Variants in ARID3B observed in about 807,000 individuals in gnomAD.
ARID3B encodes AT-rich interaction domain 3B, also known as AT-rich interactive domain-containing protein 3B.
In ARID3B, 10 loss-of-function variants were observed where a neutral mutation model predicts 51.9. The ratio of observed to expected loss-of-function variants is 0.19; its 90% CI spans 0.12 to 0.33. The LOEUF (loss-of-function observed/expected upper bound fraction) is 0.33, where lower values mean the gene tolerates loss of function less well. Among genes scored for constraint, ARID3B ranks in the 10% least tolerant of loss-of-function variants. ARID3B has a pLI of 1.00. For synonymous variants in ARID3B, 205 were observed against 279.5 expected (o/e 0.73, Z 2.66); for missense variants, 483 against 716.3 (o/e 0.67, Z 3.72).
At position 74,591,077 on chromosome 15, in the gene ARID3B, G is replaced by A. The variant is rs1176922899; in HGVS notation, c.882-74G>A. On this transcript the variant is annotated intron_variant, in intron 5 of 8. Transcript: ENST00000346246. The surrounding 1 kb of genome is among the most constrained non-coding windows in gnomAD (Gnocchi z 5.8). ...CTGCCCAACAGAGACTGCTTCCAGA[G>A]ACCCACCAACCTCAACTGGGTGGTC... The A allele has an allele frequency of 1.3e-6, 2 of 1,520,958 alleles. No homozygotes were observed. The highest frequency in any genetic ancestry group is 1.4e-5 in the African/African-American group (1 of 72,006). The allele number at this position is 1,520,958 out of a possible 1,614,324, so 94.2% of individuals were successfully genotyped here.
chr15:74,550,457 C>T (rs1024046713), intron 2 of ARID3B, among the ~76,000 whole-genome samples: 1 of 151,682 alleles, frequency 6.6e-6, no homozygotes, highest in Non-Finnish European at 1.5e-5. Context: ...CTTTGGGAGG[C>T]GGAGGCAGGC....
intron 4 of ARID3B, among the ~76,000 whole-genome samples, chr15:74,588,235 TAAAA>T (rs34984821): frequency 1.0e-4 from 14 of 139,934 alleles, no homozygotes; most frequent in Admixed American, 2.9e-4. Flanking sequence ...CCCTATCTTT[TAAAA>T]AAAAAAAAAA....
rs145243577 is a variant in ARID3B, at chr15:74,590,460, C to T, written c.881+457C>T. On this transcript the variant is annotated intron_variant, in intron 5 of 8. Coordinates refer to ENST00000346246, the MANE Select transcript of ARID3B (RefSeq NM_006465.4). ...CTTACCTGATATTCAGCTTACCCAGCGGCAGAGGACCCAGAGAAAGGCAGG... is the reference window on the plus strand; with the variant it reads ...CTTACCTGATATTCAGCTTACCCAGTGGCAGAGGACCCAGAGAAAGGCAGG... 5.1e-4 allele frequency among the ~76,000 whole-genome samples: 78 copies of T among 152,288 alleles called. 1 individual carries two copies. The highest frequency in any genetic ancestry group is 8.4e-4 in the Non-Finnish European group (57 of 68,032).
At chr15:74,572,157 C>A (rs571060338) in intron 2 of ARID3B, among the ~76,000 whole-genome samples, 32 of 152,110 alleles carry the variant, frequency 2.1e-4, no homozygotes, top group African/African-American at 7.5e-4. Flanking sequence ...AGATAGGAAG[C>A]AAGTTTAAAG....
chr15:74,584,162 C>A (rs1234620332), intron 4 of ARID3B, among the ~76,000 whole-genome samples: 1 of 152,106 alleles, frequency 6.6e-6, no homozygotes, highest in Non-Finnish European at 1.5e-5. Context: ...GCATAGTACC[C>A]AATAGGTAGT....
At chr15:74,594,812 C>T (rs1360532130) in intron 8 of ARID3B, among the ~76,000 whole-genome samples, 1 of 152,230 alleles carries the variant, frequency 6.6e-6, no homozygotes, top group African/African-American at 2.4e-5. Flanking sequence ...AGGTCTCTAC[C>T]TGTCACAGGA....
At chr15:74,588,741 T>C (rs1399719232) in intron 4 of ARID3B, among the ~76,000 whole-genome samples, 1 of 152,040 alleles carries the variant, frequency 6.6e-6, no homozygotes, top group Admixed American at 6.6e-5. Flanking sequence ...TGCTCATTAG[T>C]AGCCCTTCCT....
Position 74,597,261 on chromosome 15 carries a change from C to T in ARID3B, c.*1487C>T, listed in dbSNP as rs149490636. On this transcript the variant is annotated 3_prime_UTR_variant, in exon 9 of 9. Coordinates refer to ENST00000346246, the MANE Select transcript of ARID3B (RefSeq NM_006465.4). ...AAAGAAAATTGATTCGCTTGCGGCT[C>T]ACCTCAGTCGAGGAAGCCCTGGAAT... 847 of 381,130 alleles carry T rather than the reference C, an allele frequency of 2.2e-3. 21 individuals carry two copies. In the East Asian group the frequency reaches 0.039, roughly 18 times the overall value. 23.6% of individuals were successfully genotyped at this position (381,130 alleles called of 1,614,324 possible). A position where few individuals can be genotyped will look rare whatever the true frequency, so the allele number is the denominator to read the frequency against.
At chr15:74,546,317 T>A (rs2061615492) in intron 2 of ARID3B, among the ~76,000 whole-genome samples, 2 of 152,004 alleles carry the variant, frequency 1.3e-5, no homozygotes, top group Non-Finnish European at 2.9e-5. Context: ...AGCAGGATCC[T>A]GCCCTGACAG....
chr15:74,549,691 A>G (rs1477528390), intron 2 of ARID3B, among the ~76,000 whole-genome samples: 1 of 152,186 alleles, frequency 6.6e-6, no homozygotes, highest in East Asian at 1.9e-4. Flanking sequence ...CATGTTCTTT[A>G]TAGAGCTACC....
chr15:74,542,635 C>G (rs768503835), intron 1 of ARID3B, among the ~76,000 whole-genome samples: 1 of 152,150 alleles, frequency 6.6e-6, no homozygotes, highest in South Asian at 2.1e-4. Context: ...TTTTGTCTTT[C>G]GACCCAATCC....
intron 4 of ARID3B, chr15:74,575,019 AG>A (rs1469148508): frequency 1.3e-4 from 20 of 151,444 alleles, no homozygotes; most frequent in African/African-American, 4.9e-4. Context: ...AAAAAAAAAA[AG>A]AATATAATCC....
At chr15:74,562,452 A>G (rs1596255118) in intron 2 of ARID3B, among the ~76,000 whole-genome samples, 1 of 151,872 alleles carries the variant, frequency 6.6e-6, no homozygotes, top group East Asian at 1.9e-4. Context: ...AATATTTTCA[A>G]CTTCTGGTGA....
intron 2 of ARID3B, among the ~76,000 whole-genome samples, chr15:74,569,931 G>A (rs1450725674): frequency 1.3e-5 from 2 of 152,178 alleles, no homozygotes; most frequent in East Asian, 1.9e-4. Context: ...GGAGCTGGAC[G>A]AAAGAAAATA....
At chr15:74,577,977 C>A (rs1331748101) in intron 4 of ARID3B, among the ~76,000 whole-genome samples, 1 of 152,094 alleles carries the variant, frequency 6.6e-6, no homozygotes, top group African/African-American at 2.4e-5. Flanking sequence ...CGTGCCTCAG[C>A]CTCCCAAGTA....
At chr15:74,548,050 G>C (rs1181193562) in intron 2 of ARID3B, among the ~76,000 whole-genome samples, 1 of 152,198 alleles carries the variant, frequency 6.6e-6, no homozygotes, top group Non-Finnish European at 1.5e-5. Flanking sequence ...ATTATTCTCT[G>C]ACACCACAGT....
At position 74,550,970 on chromosome 15, in the gene ARID3B, A is replaced by T. The variant is rs2061635338; in HGVS notation, c.552+6482A>T. On this transcript the variant is annotated intron_variant, in intron 2 of 8. Coordinates refer to ENST00000346246, the MANE Select transcript of ARID3B (RefSeq NM_006465.4). ...TTTTGAAGCTACCGTCGTCCCTCACATGCAGGGGATTGGTTCCAAGACCCC... is the reference window on the plus strand; with the variant it reads ...TTTTGAAGCTACCGTCGTCCCTCACTTGCAGGGGATTGGTTCCAAGACCCC... Among the ~76,000 whole-genome samples, 5 of 152,224 alleles carry T rather than the reference A, an allele frequency of 3.3e-5. No homozygotes were observed. The South Asian group carries it at 1.0e-3, about 31-fold the overall frequency.
intron 4 of ARID3B, among the ~76,000 whole-genome samples, chr15:74,589,093 T>C (rs2061793692): frequency 1.5e-5 from 2 of 135,838 alleles, no homozygotes; most frequent in South Asian, 5.1e-4. Flanking sequence ...AGTGGTGTGA[T>C]CTCGGCTCAC....
chr15:74,592,478 GC>G (rs1455483475), intron 7 of ARID3B, among the ~76,000 whole-genome samples: 1 of 152,204 alleles, frequency 6.6e-6, no homozygotes, highest in African/African-American at 2.4e-5. Context: ...TTCCCAGGCT[GC>G]CCCTCCTACC....
Sources: allele counts gnomAD v4.1 joint callset (sites outside exome capture counted in the v4.1 genomes callset), GRCh38; gene constraint gnomAD v4.1.1; non-coding constraint Gnocchi (gnomAD v3.1); transcripts MANE v1.5; gene names NCBI Gene and HGNC (gene_info 2026-07-23, HGNC 2026-07-21).